The following UMAD1 variants were observed in gnomAD, a reference collection of about 807,000 sequenced individuals.
UMAD1 encodes UBAP1-MVB12-associated (UMA)-domain containing protein 1.
Under a neutral mutation model 6.1 loss-of-function variants are expected in UMAD1, and 8 were observed. The ratio of observed to expected loss-of-function variants is 1.30; its 90% CI spans 0.76 to 2.35. The LOEUF is 2.35. Among genes scored for constraint, UMAD1 ranks in the 30% most tolerant of loss-of-function variants. UMAD1 has a pLI of 0.00. For synonymous variants in UMAD1, 56 were observed against 31.4 expected, an observed-to-expected ratio of 1.78 and a Z score of -2.61; for missense variants, 130 against 78.4, an observed-to-expected ratio of 1.66 and a Z score of -2.49.
chr7:7,874,882 G>A (rs1056383135), intron 3 of UMAD1, among the ~76,000 whole-genome samples: 10 of 152,156 alleles, frequency 6.6e-5, no homozygotes, highest in African/African-American at 1.2e-4. Context: ...TGATCTGGGC[G>A]CTGGTTGCTC....
intron 3 of UMAD1, among the ~76,000 whole-genome samples, chr7:7,854,916 T>C (rs10281317): frequency 0.67 from 101,674 of 152,094 alleles, 34,917 homozygotes; most frequent in Middle Eastern, 0.76. Context: ...GTAGATATAC[T>C]TGTCCCACAT....
At chr7:7,869,650 A>T (rs6974654) in intron 3 of UMAD1, among the ~76,000 whole-genome samples, 103,290 of 152,086 alleles carry the variant, frequency 0.68, 35,226 homozygotes, top group African/African-American at 0.72. Flanking sequence ...AGCCAAATAT[A>T]GATGACTTTC....
At chr7:7,791,011 C>T (rs1025738232) in intron 2 of UMAD1, among the ~76,000 whole-genome samples, 1 of 152,088 alleles carries the variant, frequency 6.6e-6, no homozygotes, top group Non-Finnish European at 1.5e-5. Context: ...CTGTCTCAGC[C>T]CCCAAGTAGC....
intron 2 of UMAD1, among the ~76,000 whole-genome samples, chr7:7,700,294 C>T (rs561615111): frequency 7.2e-5 from 11 of 152,276 alleles, no homozygotes; most frequent in Admixed American, 2.6e-4. Context: ...TTCATGTGTA[C>T]TTCACCCTCA....
At chr7:7,842,404 G>C (rs1413758176) in intron 3 of UMAD1, among the ~76,000 whole-genome samples, 2 of 151,874 alleles carry the variant, frequency 1.3e-5, no homozygotes, top group East Asian at 3.9e-4. Context: ...GCACAACCGA[G>C]ACCTAGACAG....
intron 3 of UMAD1, among the ~76,000 whole-genome samples, chr7:7,832,226 A>G (rs1305461923): frequency 6.6e-6 from 1 of 152,172 alleles, no homozygotes; most frequent in African/African-American, 2.4e-5. Context: ...GTCCTCTCAC[A>G]TGGTTCTAGT....
chr7:7,728,858 T>C (rs2115189990), intron 2 of UMAD1, among the ~76,000 whole-genome samples: 1 of 152,334 alleles, frequency 6.6e-6, no homozygotes, highest in African/African-American at 2.4e-5. Flanking sequence ...GGGCCTACCG[T>C]ATGTCAGTGA....
chr7:7,717,056 T>TTTTC (rs1314081478), intron 2 of UMAD1, among the ~76,000 whole-genome samples: 2,449 of 149,774 alleles, frequency 0.016, 72 homozygotes, highest in African/African-American at 0.058. Context: ...TTCTTTCTTT[T>TTTTC]TTTCTTTTTT....
At chr7:7,656,493 T>C (rs1785346627) in intron 1 of UMAD1, among the ~76,000 whole-genome samples, 1 of 152,124 alleles carries the variant, frequency 6.6e-6, no homozygotes, top group South Asian at 2.1e-4. Context: ...CAGGCCCCAG[T>C]GTGTGATGTT....
chr7:7,833,498 A>G (rs1783504032), intron 3 of UMAD1, among the ~76,000 whole-genome samples: 1 of 152,186 alleles, frequency 6.6e-6, no homozygotes, highest in Non-Finnish European at 1.5e-5. Context: ...TTCTGTCTGC[A>G]GACTGTAGTA....
chr7:7,648,160 C>T (rs1046298032), intron 1 of UMAD1, among the ~76,000 whole-genome samples: 2 of 152,150 alleles, frequency 1.3e-5, no homozygotes, highest in African/African-American at 2.4e-5. Flanking sequence ...TTAAAGAAGT[C>T]ATTTCGTTCT....
At chr7:7,829,999 T>A (rs1007839849) in intron 3 of UMAD1, among the ~76,000 whole-genome samples, 4 of 152,338 alleles carry the variant, frequency 2.6e-5, no homozygotes, top group African/African-American at 7.2e-5. Context: ...TACAGAGTCT[T>A]CCGACAAACC....
intron 2 of UMAD1, among the ~76,000 whole-genome samples, chr7:7,678,050 G>A (rs997925264): frequency 6.6e-6 from 1 of 152,132 alleles, no homozygotes; most frequent in Non-Finnish European, 1.5e-5. Flanking sequence ...CAATAAACAT[G>A]GGAATGTGGA....
At chr7:7,673,521 A>G (rs1206606153) in intron 2 of UMAD1, 68 bp downstream of exon 2, 2 of 661,584 alleles carry the variant, frequency 3.0e-6, no homozygotes, top group African/African-American at 3.6e-5. Context: ...CTTGAAAATT[A>G]TATGATTGAT....
At chr7:7,804,442 G>A (rs1782865968) in intron 3 of UMAD1, among the ~76,000 whole-genome samples, 2 of 152,224 alleles carry the variant, frequency 1.3e-5, no homozygotes, top group Admixed American at 1.3e-4. Context: ...GGAAGTCAAG[G>A]TGGGTGGATT....
intron 3 of UMAD1, among the ~76,000 whole-genome samples, chr7:7,832,814 G>A (rs1783490941): frequency 6.6e-6 from 1 of 152,212 alleles, no homozygotes; most frequent in Non-Finnish European, 1.5e-5. Context: ...ATTCTACAGA[G>A]TGCAGGTGGG....
intron 2 of UMAD1, chr7:7,740,845 G>C (rs1449334914): frequency 6.6e-6 from 1 of 151,980 alleles, no homozygotes; most frequent in Non-Finnish European, 1.5e-5. Context: ...ACCCAAATCT[G>C]TTTTATCAAT....
At chr7:7,787,592 T>G (rs956302365) in intron 2 of UMAD1, among the ~76,000 whole-genome samples, 20 of 152,220 alleles carry the variant, frequency 1.3e-4, no homozygotes, top group Non-Finnish European at 2.2e-4. Flanking sequence ...AACTCCATTG[T>G]AACTATGCAG....
At chr7:7,691,684 C>G (rs1563126874) in intron 2 of UMAD1, among the ~76,000 whole-genome samples, 1 of 152,168 alleles carries the variant, frequency 6.6e-6, no homozygotes, top group African/African-American at 2.4e-5. Context: ...AAGAGCTTTA[C>G]ATTTTAGTGA....
Sources: gnomAD v4.1 joint callset for allele counts (sites outside exome capture counted in the v4.1 genomes callset) on GRCh38, gnomAD v4.1.1 for gene constraint, MANE v1.5 for transcripts, NCBI Gene and HGNC (gene_info 2026-07-23, HGNC 2026-07-21) for gene names.